The following PTPRT variants were observed in gnomAD, a reference collection of about 807,000 sequenced individuals.
The protein encoded by PTPRT is protein tyrosine phosphatase receptor type T, also known as receptor-type tyrosine-protein phosphatase T.
A neutral mutation model predicts 176.8 loss-of-function variants in PTPRT; 56 were observed. That is an observed-to-expected ratio of 0.32 (90% CI 0.26 to 0.40). The LOEUF is 0.40. Among genes scored for constraint, PTPRT ranks in the 10% least tolerant of loss-of-function variants. The pLI is 1.00. For missense variants in PTPRT, 1,540 were observed against 1,908.2 expected, an observed-to-expected ratio of 0.81 and a Z score of 3.60; for synonymous variants, 783 against 739.0, an observed-to-expected ratio of 1.06 and a Z score of -0.96.
chr20:42,858,828 A>G (rs1437422760), intron 2 of PTPRT, among the ~76,000 whole-genome samples: 10 of 152,232 alleles, frequency 6.6e-5, no homozygotes, highest in Non-Finnish European at 1.5e-4. Context: ...TGGGCTAGAC[A>G]GGCCACAGAC....
At chr20:42,650,953 A>G (rs2075018637) in intron 7 of PTPRT, among the ~76,000 whole-genome samples, 1 of 151,946 alleles carries the variant, frequency 6.6e-6, no homozygotes, top group Non-Finnish European at 1.5e-5. Flanking sequence ...ATAGACCTCC[A>G]TTTCTCTGGC....
At chr20:43,065,963 ACT>A (rs2011108578) in intron 1 of PTPRT, among the ~76,000 whole-genome samples, 1 of 152,060 alleles carries the variant, frequency 6.6e-6, no homozygotes, top group Non-Finnish European at 1.5e-5. Flanking sequence ...CCTGTCCCTG[ACT>A]CTATCACTCC....
chr20:42,068,764 C>T (rs1078607), downstream of PTPRT, among the ~76,000 whole-genome samples: 62,408 of 152,018 alleles, frequency 0.41, 13,589 homozygotes, highest in African/African-American at 0.55. Flanking sequence ...ATAGCTTGGC[C>T]GCCAGGTGTG....
chr20:42,392,407 T>C (rs955022979), intron 9 of PTPRT, among the ~76,000 whole-genome samples: 17 of 151,918 alleles, frequency 1.1e-4, no homozygotes, highest in Admixed American at 2.0e-4. Context: ...GGCGTTTGCT[T>C]TACTAATCTT....
intron 6 of PTPRT, among the ~76,000 whole-genome samples, chr20:42,730,798 G>C (rs1392663480): frequency 1.3e-5 from 2 of 152,144 alleles, no homozygotes; most frequent in African/African-American, 4.8e-5. Context: ...AAAAAGTCTG[G>C]TCCTCTAACC....
At chr20:42,118,617 A>T (rs1473432652) in intron 20 of PTPRT, 117 bp from the exon 21 acceptor site, 5 of 695,584 alleles carry the variant, frequency 7.2e-6, no homozygotes, top group Non-Finnish European at 7.1e-6. Flanking sequence ...AGGCCAGGTG[A>T]TCCTTGTTAA....
chr20:42,450,599 T>C (rs1443865684), intron 8 of PTPRT, among the ~76,000 whole-genome samples: 1 of 152,072 alleles, frequency 6.6e-6, no homozygotes, highest in Non-Finnish European at 1.5e-5. Context: ...ACGTAAGCTT[T>C]CTTGCATAGG....
chr20:42,791,036 T>A (rs555834694), intron 3 of PTPRT, among the ~76,000 whole-genome samples, 159 bp downstream of exon 3: 1 of 152,350 alleles, frequency 6.6e-6, no homozygotes, highest in East Asian at 1.9e-4. Context: ...GGACAGCGGC[T>A]GTGTTAGGTC....
chr20:43,026,782 G>C (rs149776584), intron 1 of PTPRT, among the ~76,000 whole-genome samples: 29 of 152,060 alleles, frequency 1.9e-4, no homozygotes, highest in African/African-American at 6.0e-4. Flanking sequence ...GTTCTCTATT[G>C]TTTTAATTTT....
chr20:42,206,568 T>C (rs1179148727), intron 15 of PTPRT, among the ~76,000 whole-genome samples: 1 of 152,186 alleles, frequency 6.6e-6, no homozygotes, highest in East Asian at 1.9e-4. Flanking sequence ...TACTGCGCAT[T>C]TCCGACGGGC....
intron 9 of PTPRT, among the ~76,000 whole-genome samples, chr20:42,442,096 G>A (rs2059321591): frequency 6.6e-6 from 1 of 152,204 alleles, no homozygotes; most frequent in Non-Finnish European, 1.5e-5. Context: ...GATGGGAGGA[G>A]GCATGCTCAT....
At chr20:42,136,161 G>T (rs1029484558) in intron 18 of PTPRT, among the ~76,000 whole-genome samples, 8 of 147,782 alleles carry the variant, frequency 5.4e-5, no homozygotes, top group African/African-American at 2.0e-4. Context: ...GGGCTGGGGA[G>T]AGAATATTAT....
intron 16 of PTPRT, among the ~76,000 whole-genome samples, chr20:42,176,896 G>T (rs182419829): frequency 0.015 from 2,322 of 152,250 alleles, 68 homozygotes; most frequent in African/African-American, 0.053. Flanking sequence ...GTGGATAAAA[G>T]CTTCCTTTCT....
chr20:42,384,759 T>C (rs1195418882), intron 9 of PTPRT, among the ~76,000 whole-genome samples: 2 of 152,204 alleles, frequency 1.3e-5, no homozygotes, highest in Non-Finnish European at 2.9e-5. Context: ...AACACTTATC[T>C]TTTTGTTTTT....
At chr20:42,257,602 C>T (rs915657893) in intron 13 of PTPRT, among the ~76,000 whole-genome samples, 18 of 139,946 alleles carry the variant, frequency 1.3e-4, no homozygotes, top group Non-Finnish European at 2.1e-4. Context: ...AGTGAGTTCT[C>T]GTGAGATCTG....
At chr20:42,116,046 G>T in intron 21 of PTPRT, 1 of 724,396 alleles carries the variant, frequency 1.4e-6, no homozygotes, top group South Asian at 1.5e-5. Flanking sequence ...TACCATTCCG[G>T]GGGACGCCGC....
chr20:42,933,824 A>T (rs1006279148), intron 1 of PTPRT, among the ~76,000 whole-genome samples: 1 of 152,126 alleles, frequency 6.6e-6, no homozygotes, highest in Non-Finnish European at 1.5e-5. Context: ...AGCATCTATC[A>T]CCAGCCAGCT....
In PTPRT at chr20:43,013,558, G is replaced by A. The variant is rs140981794; in HGVS notation, c.89-127626C>T. ...AAGTGGGGGGTACATATCTGGAAGT[G>A]GTCTACCCTACCCAGAGACCCTACC... is the stretch of plus-strand genomic sequence containing the variant. On this transcript the variant is annotated intron_variant, in intron 1 of 30. Transcript: ENST00000373187. Among the ~76,000 whole-genome samples the A allele has an allele frequency of 6.6e-4, 101 of 152,190 alleles. 1 individual carries two copies. The highest frequency in any genetic ancestry group is 1.9e-3 in the African/African-American group (80 of 41,522).
At chr20:42,809,176 T>C (rs1212598454) in intron 2 of PTPRT, among the ~76,000 whole-genome samples, 1 of 152,172 alleles carries the variant, frequency 6.6e-6, no homozygotes, top group Non-Finnish European at 1.5e-5. Flanking sequence ...GGTGCCATCA[T>C]CACGTCACTG....
Sources: allele counts gnomAD v4.1 joint callset (sites outside exome capture counted in the v4.1 genomes callset), GRCh38; gene constraint gnomAD v4.1.1; transcripts MANE v1.5; gene names NCBI Gene and HGNC (gene_info 2026-07-23, HGNC 2026-07-21).